The following NOS1 variants were observed in gnomAD, a reference collection of about 807,000 sequenced individuals.
NOS1 encodes the protein NOS type I.
NOS1 carries 51 observed loss-of-function variants against 164.5 expected under a neutral mutation model. The ratio of observed to expected loss-of-function variants is 0.31; its 90% CI spans 0.25 to 0.39. The LOEUF is 0.39. NOS1 is among the 10% of genes least tolerant of loss of function. NOS1 has a pLI of 1.00. For missense variants in NOS1, 1,362 were observed against 1,885.6 expected (o/e 0.72, Z 5.14); for synonymous variants, 719 against 745.8 (o/e 0.96, Z 0.59).
At chr12:117,329,724 CT>C (rs1875434352) in intron 2 of NOS1, among the ~76,000 whole-genome samples, 1 of 152,164 alleles carries the variant, frequency 6.6e-6, no homozygotes. Context: ...TCTTTAAGTT[CT>C]AGTCCCAGCT....
At position 117,353,416 on chromosome 12, in the gene NOS1, A is replaced by G. The variant is rs1876721009; in HGVS notation, c.-421+8096T>C. Among the ~76,000 whole-genome samples the G allele has an allele frequency of 2.0e-5, 3 of 152,214 alleles. No individual in the cohort carries two copies. The South Asian group carries it at 6.2e-4, about 32-fold the overall frequency. Reference sequence around the variant, plus strand: ...CAGAATCATGATGTCTCAGCTCTAAATTCTTAAGCACACTTATCTTCAGCG... The same window carrying G: ...CAGAATCATGATGTCTCAGCTCTAAGTTCTTAAGCACACTTATCTTCAGCG... On this transcript the variant is annotated intron_variant, in intron 1 of 28. Coordinates refer to ENST00000317775, the MANE Select transcript of NOS1 (RefSeq NM_000620.5).
At chr12:117,359,944 C>A (rs1877058030) in intron 1 of NOS1, among the ~76,000 whole-genome samples, 1 of 102,364 alleles carries the variant, frequency 9.8e-6, no homozygotes, top group African/African-American at 3.6e-5. Flanking sequence ...ATCAGCAACA[C>A]TTCCTGCGTT....
intron 3 of NOS1, among the ~76,000 whole-genome samples, chr12:117,302,499 C>T (rs1402080401): frequency 1.4e-5 from 2 of 146,456 alleles, no homozygotes; most frequent in Non-Finnish European, 3.0e-5. Context: ...GAGGCTGAGG[C>T]AGGAGAATGG....
intron 9 of NOS1, among the ~76,000 whole-genome samples, chr12:117,275,187 A>C (rs1223679738): frequency 6.6e-6 from 1 of 152,044 alleles, no homozygotes; most frequent in African/African-American, 2.4e-5. Context: ...ACCCACAAAA[A>C]TTAAAAGTAA....
intron 17 of NOS1, among the ~76,000 whole-genome samples, chr12:117,248,296 C>A (rs1402751525): frequency 1.3e-5 from 2 of 151,816 alleles, no homozygotes; most frequent in African/African-American, 4.8e-5. Context: ...GCTGCACCCA[C>A]TAACTCGTCA....
At chr12:117,236,836 C>G (rs1177804460) in intron 20 of NOS1, among the ~76,000 whole-genome samples, 1 of 152,202 alleles carries the variant, frequency 6.6e-6, no homozygotes, top group Non-Finnish European at 1.5e-5. Flanking sequence ...GCCACCTCCC[C>G]CAAAGTCCTC....
intron 22 of NOS1, among the ~76,000 whole-genome samples, 194 bp downstream of exon 22, chr12:117,231,768 T>G (rs1869255187): frequency 6.6e-6 from 1 of 152,192 alleles, no homozygotes; most frequent in Admixed American, 6.5e-5. Context: ...GGAGTCACTC[T>G]TGCTCTGCCA....
At chr12:117,353,007 T>A (rs1047348359) in intron 1 of NOS1, among the ~76,000 whole-genome samples, 5 of 152,106 alleles carry the variant, frequency 3.3e-5, no homozygotes, top group African/African-American at 1.2e-4. Flanking sequence ...CTATCAGTCA[T>A]CTATCTATCC....
chr12:117,247,397 A>G lies in NOS1; in HGVS notation c.2774T>C (p.Leu925Pro). ...CCTGAAAGCCTCTTCCTGCCCACAG[A>G]GCTCATCCCCTTCCCTCATCTTCAG... The part of the protein sequence containing the change: ...RILKMREGDE[L>P]CGQEEAFRTW... Residue 925 changes from leucine (L) to proline (P), a missense_variant, in exon 18 of 29, where the codon CTC (leucine) becomes CCC (proline). This residue lies in a region of NOS1 where 737 missense variants were observed against 1,030.3 expected (regional missense o/e 0.72). Transcript: ENST00000317775. 6.2e-7 allele frequency: 1 copy of G among 1,610,968 alleles called. No individual in the cohort carries two copies. The highest frequency in any genetic ancestry group is 1.1e-5 in the South Asian group (1 of 90,468).
chr12:117,317,479 A>T (rs1874719625), intron 2 of NOS1, among the ~76,000 whole-genome samples: 1 of 148,622 alleles, frequency 6.7e-6, no homozygotes, highest in East Asian at 2.0e-4. Flanking sequence ...CTATCCCCAA[A>T]ATTGTCACAA....
At chr12:117,267,850 A>G (rs1164750969) in intron 11 of NOS1, among the ~76,000 whole-genome samples, 193 bp downstream of exon 11, 2 of 150,286 alleles carry the variant, frequency 1.3e-5, no homozygotes, top group East Asian at 4.0e-4. Flanking sequence ...TCATCTCTTC[A>G]TCAAATGGTC....
chr12:117,224,281 A>G (rs750731360), intron 25 of NOS1, among the ~76,000 whole-genome samples: 1 of 151,652 alleles, frequency 6.6e-6, no homozygotes, highest in African/African-American at 2.4e-5. Context: ...GTTTTATTTT[A>G]TTTTATATTT....
At chr12:117,346,716 G>A (rs963726313) in intron 1 of NOS1, among the ~76,000 whole-genome samples, 2 of 152,156 alleles carry the variant, frequency 1.3e-5, no homozygotes, top group African/African-American at 4.8e-5. Context: ...GTGGATTTAT[G>A]TGCACACTGG....
At chr12:117,231,932 C>T in intron 22 of NOS1, 30 bp downstream of exon 22, 1 of 1,598,034 alleles carries the variant, frequency 6.3e-7, no homozygotes, top group Non-Finnish European at 8.5e-7. Context: ...AAATGCGCCC[C>T]CTAGGGTTGT....
Position 117,280,797 on chromosome 12 carries a change from G to C in NOS1, c.1452C>G (p.Leu484=). Reference sequence around the variant, plus strand: ...GCTGCTTGTAGCCAGCGTAGCGGATGAGCTGGGAGTTCCAGACTCGGAAGT... The same window carrying C: ...GCTGCTTGTAGCCAGCGTAGCGGATCAGCTGGGAGTTCCAGACTCGGAAGT... ...KHDFRVWNSQ[L]IRYAGYKQPD... The change falls in exon 8 of 29, where the codon CTC becomes CTG. Residue 484 remains leucine (L), a synonymous_variant. Transcript: ENST00000317775. 6.2e-7 allele frequency: 1 copy of C among 1,614,238 alleles called. No individual in the cohort carries two copies. The highest frequency in any genetic ancestry group is 1.1e-5 in the South Asian group (1 of 91,088).
intron 20 of NOS1, among the ~76,000 whole-genome samples, chr12:117,238,164 T>G (rs1002889579): frequency 6.6e-6 from 1 of 151,800 alleles, no homozygotes; most frequent in Non-Finnish European, 1.5e-5. Flanking sequence ...AGTTTGGAGG[T>G]TTCCTAAAGT....
At chr12:117,246,481 T>C (rs1870623853) in intron 18 of NOS1, among the ~76,000 whole-genome samples, 1 of 152,154 alleles carries the variant, frequency 6.6e-6, no homozygotes, top group African/African-American at 2.4e-5. Context: ...GTAATTCATA[T>C]AACATACAAC....
chr12:117,310,635 T>A (rs923438591), intron 3 of NOS1, among the ~76,000 whole-genome samples: 15 of 152,126 alleles, frequency 9.9e-5, no homozygotes, highest in African/African-American at 3.6e-4. Context: ...TGTATCTTTT[T>A]GCTTATTTAT....
intron 9 of NOS1, among the ~76,000 whole-genome samples, chr12:117,274,932 C>T (rs1400687304): frequency 6.6e-6 from 1 of 151,800 alleles, no homozygotes; most frequent in Non-Finnish European, 1.5e-5. Flanking sequence ...TTTATATATA[C>T]TGTGTGATAT....
Sources: allele counts gnomAD v4.1 joint callset (sites outside exome capture counted in the v4.1 genomes callset), GRCh38; gene constraint gnomAD v4.1.1; regional missense constraint gnomAD v4.1.1; transcripts MANE v1.5; gene names NCBI Gene and HGNC (gene_info 2026-07-23, HGNC 2026-07-21).